The following FOXO1 variants were observed in gnomAD, a reference collection of about 807,000 sequenced individuals.
The protein encoded by FOXO1 is forkhead box O1, also known as forkhead box protein O1.
Under a neutral mutation model 44.1 loss-of-function variants are expected in FOXO1, and 6 were observed. The ratio of observed to expected loss-of-function variants is 0.14; its 90% CI spans 0.07 to 0.27. FOXO1 has a LOEUF of 0.27. FOXO1 is among the 10% of genes least tolerant of loss of function. The probability of loss-of-function intolerance (pLI) is 1.00; values close to 1 mark genes in which losing one functional copy is unlikely to be tolerated. For synonymous variants in FOXO1, 380 were observed against 362.7 expected, an observed-to-expected ratio of 1.05 and a Z score of -0.54; for missense variants, 737 against 888.8, an observed-to-expected ratio of 0.83 and a Z score of 2.17.
In FOXO1 at chr13:40,665,614, T is replaced by G; in HGVS notation, c.599A>C (p.Lys200Thr). 6.8e-7 allele frequency: 1 copy of G among 1,469,794 alleles called. No homozygotes were observed. The highest frequency in any genetic ancestry group is 1.8e-4 in the Middle Eastern group (1 of 5,524). The allele number at this position is 1,469,794 out of a possible 1,614,324, so 91.0% of individuals were successfully genotyped here. A position where few individuals can be genotyped will look rare whatever the true frequency, so the allele number is the denominator to read the frequency against. The change falls in exon 1 of 3, where the codon AAG becomes ACG. Residue 200 changes from lysine (K) to threonine (T), a missense_variant. Lys to Thr is a moderately conservative substitution (Grantham distance 78, BLOSUM62 -1). Around this residue, in one of 7 missense-constraint regions of FOXO1, gnomAD observed 49 missense variants for 50.2 expected, o/e 0.98. Transcript: ENST00000379561. Reference protein sequence around the residue: ...MVKSVPYFKDKGDSNSSAGWK... With the variant: ...MVKSVPYFKDTGDSNSSAGWK... ...GCCCGCCGAGCTGTTGCTGTCACCCTTATCCTTGAAGTAGGGCACGCTCTT... is the reference window on the plus strand; with the variant it reads ...GCCCGCCGAGCTGTTGCTGTCACCCGTATCCTTGAAGTAGGGCACGCTCTT...
At chr13:40,570,591 A>G (rs1340229914) in intron 1 of FOXO1, among the ~76,000 whole-genome samples, 1 of 152,250 alleles carries the variant, frequency 6.6e-6, no homozygotes, top group African/African-American at 2.4e-5. Context: ...TTAGGATTGA[A>G]GAAAACCCCT....
intron 1 of FOXO1, among the ~76,000 whole-genome samples, chr13:40,656,700 TTTC>T (rs1877870343): frequency 1.3e-5 from 2 of 152,230 alleles, no homozygotes; most frequent in Non-Finnish European, 2.9e-5. Context: ...ATTTTCATAA[TTTC>T]TTATTTGGCA....
chr13:40,653,617 AT>A (rs1266700533), intron 1 of FOXO1, among the ~76,000 whole-genome samples: 2 of 152,148 alleles, frequency 1.3e-5, no homozygotes, highest in African/African-American at 4.8e-5. Context: ...TCCTTTCCTC[AT>A]TAGGCCCAAA....
At chr13:40,612,411 T>C (rs1593399755) in intron 1 of FOXO1, among the ~76,000 whole-genome samples, 2 of 152,286 alleles carry the variant, frequency 1.3e-5, no homozygotes, top group South Asian at 4.1e-4. Flanking sequence ...AGGGTCTCCA[T>C]GAAATTATCA....
At chr13:40,574,429 A>C (rs1341543144) in intron 1 of FOXO1, among the ~76,000 whole-genome samples, 1 of 152,252 alleles carries the variant, frequency 6.6e-6, no homozygotes, top group Non-Finnish European at 1.5e-5. Context: ...AAATGAGAAC[A>C]TGTTTGGAAA....
chr13:40,559,651 T>C lies in FOXO1; in HGVS notation c.1840A>G (p.Met614Val), dbSNP rs367918340. Residue 614 changes from methionine to valine, a missense_variant, in exon 2 of 3, where the codon ATG becomes GTG. Physicochemically the swap from Met to Val is conservative, Grantham distance 21. Coordinates refer to ENST00000379561, the MANE Select transcript of FOXO1 (RefSeq NM_002015.4). The stretch of plus-strand genomic sequence containing the variant: ...AGGTCATTCCGAATGATGGATTCCA[T>C]GTCACAGTCTAAGCGCTCAATGAAC... ...GMFIERLDCD[M>V]ESIIRNDLMD... The C allele has an allele frequency of 5.0e-6, 8 of 1,614,106 alleles. No individual in the cohort carries two copies. The Admixed American group carries it at 1.0e-4, about 20-fold the overall frequency.
At chr13:40,642,589 CTA>C (rs1344405372) in intron 1 of FOXO1, among the ~76,000 whole-genome samples, 1 of 152,200 alleles carries the variant, frequency 6.6e-6, no homozygotes, top group Non-Finnish European at 1.5e-5. Context: ...AAAAGACCCT[CTA>C]AAGTTTAATT....
At position 40,558,915 on chromosome 13, in the gene FOXO1, G is replaced by GTTTTTTTTTTGT. The variant is rs1873863882; in HGVS notation, c.*133_*134insACAAAAAAAAAA. ...AGTCTGACGAAAGGAAAAAAGGAGG[G>GTTTTTTTTTTGT]TTTTTTTTTTTGTTTTTTTTTTTAA... On this transcript the variant is annotated 3_prime_UTR_variant, in exon 3 of 3. Coordinates refer to ENST00000379561, the MANE Select transcript of FOXO1 (RefSeq NM_002015.4). 9 of 311,774 alleles carry GTTTTTTTTTTGT rather than the reference G, an allele frequency of 2.9e-5. No homozygotes were observed. The highest frequency in any genetic ancestry group is 5.7e-5 in the Admixed American group (1 of 17,660). The allele number at this position is 311,774 out of a possible 1,614,324, so 19.3% of individuals were successfully genotyped here. A position where few individuals can be genotyped will look rare whatever the true frequency, so the allele number is the denominator to read the frequency against.
At chr13:40,641,718 C>T (rs1877360251) in intron 1 of FOXO1, among the ~76,000 whole-genome samples, 1 of 149,638 alleles carries the variant, frequency 6.7e-6, no homozygotes, top group Non-Finnish European at 1.5e-5. Context: ...GGTGCGGTGG[C>T]TCACACCTGT....
intron 1 of FOXO1, among the ~76,000 whole-genome samples, chr13:40,614,885 C>G (rs1161500071): frequency 6.6e-6 from 1 of 152,220 alleles, no homozygotes; most frequent in Admixed American, 6.5e-5. Context: ...TCCTGAAAGG[C>G]TCATCCCTTC....
At position 40,656,833 on chromosome 13, in the gene FOXO1, A is replaced by AT. The variant is rs758886907; in HGVS notation, c.630+8749dup. On this transcript the variant is annotated intron_variant, in intron 1 of 2. Transcript: ENST00000379561. ...TTTCACATGCCTATCACTCTGAGAA[A>AT]TTTTTTTTTTTTTTTGAGACCGAGT... 5.0e-3 allele frequency among the ~76,000 whole-genome samples: 723 copies of AT among 145,420 alleles called. 6 individuals are homozygous for AT. In the East Asian group the frequency reaches 0.063, roughly 13 times the overall value.
intron 1 of FOXO1, among the ~76,000 whole-genome samples, chr13:40,617,947 C>G (rs1351570855): frequency 1.3e-5 from 2 of 152,174 alleles, no homozygotes; most frequent in Non-Finnish European, 2.9e-5. Context: ...ATGGAGAAGT[C>G]CAGATCCCAC....
In FOXO1 at chr13:40,593,815, A is replaced by G. The variant is rs563214170; in HGVS notation, c.631-32955T>C. Reference sequence around the variant, plus strand: ...ACATCCTTCTGTGCTCCTTAAATAGATATTTCATTGGCTTTCAAGTGCTCA... The same window carrying G: ...ACATCCTTCTGTGCTCCTTAAATAGGTATTTCATTGGCTTTCAAGTGCTCA... On this transcript the variant is annotated intron_variant, in intron 1 of 2. Transcript: ENST00000379561. Among the ~76,000 whole-genome samples the G allele has an allele frequency of 1.8e-4, 28 of 152,176 alleles. No individual in the cohort carries two copies. In the South Asian group the frequency reaches 1.9e-3, roughly 10 times the overall value.
intron 1 of FOXO1, among the ~76,000 whole-genome samples, chr13:40,584,469 CAAAA>C (rs55733141): frequency 3.6e-3 from 226 of 63,030 alleles, no homozygotes; most frequent in African/African-American, 9.0e-3. Flanking sequence ...ACAAAAAATG[CAAAA>C]AAAAAAAAAA....
intron 1 of FOXO1, among the ~76,000 whole-genome samples, chr13:40,582,267 A>T (rs936920214): frequency 3.9e-5 from 6 of 152,240 alleles, no homozygotes; most frequent in African/African-American, 1.4e-4. Flanking sequence ...TTATTGTTAA[A>T]ATATGCTAAT....
chr13:40,654,322 TAAAAAAAAAAA>T (rs11344939), intron 1 of FOXO1, among the ~76,000 whole-genome samples: 57 of 48,200 alleles, frequency 1.2e-3, no homozygotes, highest in South Asian at 6.2e-3. Flanking sequence ...CTAAAAATAC[TAAAAAAAAAAA>T]AAAAAAAAAA....
At chr13:40,582,455 C>T (rs1350085247) in intron 1 of FOXO1, among the ~76,000 whole-genome samples, 1 of 152,214 alleles carries the variant, frequency 6.6e-6, no homozygotes, top group Non-Finnish European at 1.5e-5. Flanking sequence ...CGAAAAATTT[C>T]TCTGTAGCAT....
At chr13:40,593,594 C>T (rs1875469599) in intron 1 of FOXO1, among the ~76,000 whole-genome samples, 1 of 152,090 alleles carries the variant, frequency 6.6e-6, no homozygotes, top group South Asian at 2.1e-4. Flanking sequence ...ATATTACTTA[C>T]TTAATACCTA....
At chr13:40,659,380 T>A (rs1319640300) in intron 1 of FOXO1, among the ~76,000 whole-genome samples, 1 of 147,160 alleles carries the variant, frequency 6.8e-6, no homozygotes, top group African/African-American at 2.5e-5. Flanking sequence ...CCAACTCTCA[T>A]AAAGAGTGTA....
Sources: allele counts gnomAD v4.1 joint callset (sites outside exome capture counted in the v4.1 genomes callset), GRCh38; gene constraint gnomAD v4.1.1; regional missense constraint gnomAD v4.1.1; transcripts MANE v1.5; gene names NCBI Gene and HGNC (gene_info 2026-07-23, HGNC 2026-07-21).